The following TAB1 variants were observed in gnomAD, a reference collection of about 807,000 sequenced individuals.
The protein encoded by TAB1 is TGF-beta-activated kinase 1 and MAP3K7-binding protein 1.
Under a neutral mutation model 54.5 loss-of-function variants are expected in TAB1, and 30 were observed. That is an observed-to-expected ratio of 0.55 (90% CI 0.41 to 0.75). The LOEUF is 0.75. Among genes scored for constraint, TAB1 ranks in the 30% least tolerant of loss-of-function variants. TAB1 has a pLI of 0.00. For synonymous variants in TAB1, 289 were observed against 286.9 expected (o/e 1.01, Z -0.07); for missense variants, 609 against 683.2 (o/e 0.89, Z 1.21).
intron 10 of TAB1, 117 bp from the exon 11 acceptor site, chr22:39,429,898 C>T (rs899664819): frequency 2.2e-5 from 34 of 1,537,772 alleles, no homozygotes; most frequent in Admixed American, 1.9e-4. Context: ...GTCACCTCTG[C>T]CAGAAAGGCC....
rs1032683976 is a variant in TAB1, at chr22:39,430,117, C to T, written c.1410C>T (p.Leu470=). 5 of 1,614,080 alleles carry T rather than the reference C, an allele frequency of 3.1e-6. No individual in the cohort carries two copies. Among genetic ancestry groups the T allele is most frequent in the Non-Finnish European group, 3.4e-6 (4 of 1,180,042 alleles). ...GLFRSRPAHS[L]PPGEDGRVEP... is the part of the protein sequence containing the mutation. The stretch of plus-strand genomic sequence containing the variant: ...TCCGCTCCCGGCCCGCCCACTCGCT[C>T]CCGCCTGGCGAGGACGGTCGTGTTG... Residue 470 remains leucine (L), a synonymous_variant, in exon 11 of 11, where the codon CTC becomes CTT. Transcript: ENST00000216160.
intron 10 of TAB1, among the ~76,000 whole-genome samples, chr22:39,428,883 T>G (rs545003529): frequency 7.9e-4 from 121 of 152,354 alleles, no homozygotes; most frequent in African/African-American, 2.9e-3. Context: ...TCAGGGGGCC[T>G]TCCTTTCCCT....
downstream of TAB1, chr22:39,436,491 G>T: frequency 6.2e-7 from 1 of 1,613,152 alleles, no homozygotes; most frequent in Non-Finnish European, 8.5e-7. Flanking sequence ...GATTTTCAGA[G>T]ACCCTTCCAG....
chr22:39,412,997 C>G (rs998211600), intron 1 of TAB1, among the ~76,000 whole-genome samples: 1 of 148,600 alleles, frequency 6.7e-6, no homozygotes, highest in African/African-American at 2.5e-5. Flanking sequence ...TCACTGCAAG[C>G]TCCGCCTCCC....
Position 39,430,525 on chromosome 22 carries a change from C to A in TAB1, c.*303C>A. Reference sequence around the variant, plus strand: ...AACCGCAGTGGGCCTGCAAGCCGCCCGAGCCTCCCCAGCAGCCTCCTACAG... The same window carrying A: ...AACCGCAGTGGGCCTGCAAGCCGCCAGAGCCTCCCCAGCAGCCTCCTACAG... On this transcript the variant is annotated 3_prime_UTR_variant, in exon 11 of 11. Coordinates refer to ENST00000216160, the MANE Select transcript of TAB1 (RefSeq NM_006116.3). The A allele has an allele frequency of 7.9e-7, 1 of 1,273,836 alleles. No homozygotes were observed. Among genetic ancestry groups the A allele is most frequent in the Non-Finnish European group, 1.0e-6 (1 of 997,972 alleles). 78.9% of individuals were successfully genotyped at this position (1,273,836 alleles called of 1,614,324 possible).
At chr22:39,409,377 G>A (rs2145660099) in intron 1 of TAB1, among the ~76,000 whole-genome samples, 1 of 152,280 alleles carries the variant, frequency 6.6e-6, no homozygotes, top group African/African-American at 2.4e-5. Flanking sequence ...GGGATAATTG[G>A]CAACATTTAT....
intron 4 of TAB1, 126 bp from the exon 5 acceptor site, chr22:39,417,585 C>A: frequency 3.2e-6 from 3 of 937,524 alleles, no homozygotes; most frequent in Non-Finnish European, 4.6e-6. Context: ...CATGCCACTG[C>A]ACTGTAGCCT....
chr22:39,432,192 G>A (rs531655288), downstream of TAB1, among the ~76,000 whole-genome samples: 1 of 152,338 alleles, frequency 6.6e-6, no homozygotes, highest in Admixed American at 6.5e-5. Flanking sequence ...GGGTTGTGGT[G>A]CCAACTCCAC....
intron 8 of TAB1, among the ~76,000 whole-genome samples, chr22:39,424,434 A>AT (rs1927229419): frequency 8.7e-6 from 1 of 114,476 alleles, no homozygotes; most frequent in African/African-American, 3.3e-5. Context: ...CTGTGTTCTG[A>AT]TTTCTTTTTT....
chr22:39,434,253 C>T (rs1024389640), downstream of TAB1, among the ~76,000 whole-genome samples: 6 of 152,378 alleles, frequency 3.9e-5, no homozygotes, highest in Admixed American at 1.3e-4. Context: ...TCCACCCATC[C>T]ACCACACGCC....
intron 7 of TAB1, among the ~76,000 whole-genome samples, chr22:39,420,019 G>A (rs1357203577): frequency 3.3e-5 from 5 of 152,220 alleles, no homozygotes; most frequent in African/African-American, 4.8e-5. Context: ...GGAGGCAGGC[G>A]AAGCCAGAGT....
intron 1 of TAB1, among the ~76,000 whole-genome samples, chr22:39,411,728 T>C (rs1926613154): frequency 6.6e-6 from 1 of 152,224 alleles, no homozygotes; most frequent in Non-Finnish European, 1.5e-5. Context: ...CTCCTAGGTA[T>C]TTACCCTGGA....
At position 39,399,814 on chromosome 22, in the gene TAB1, G is replaced by C. The variant is rs1926043097; in HGVS notation, c.12G>C (p.Gln4His). MAA[Q>H]RRSLLQSEQQ... ...GGGGTTCCTCCAAGATGGCGGCGCA[G>C]AGGAGGAGCTTGCTGCAGAGTGTGA... The change falls in exon 1 of 11, where the codon CAG becomes CAC. Residue 4 changes from glutamine (Q) to histidine (H), a missense_variant. Transcript: ENST00000216160. The C allele has an allele frequency of 6.3e-7, 1 of 1,597,448 alleles. No homozygotes were observed. Among genetic ancestry groups the C allele is most frequent in the South Asian group, 1.1e-5 (1 of 88,256 alleles).
In TAB1 at chr22:39,430,758, C is replaced by T; in HGVS notation, c.*536C>T. The T allele has an allele frequency of 9.9e-7, 1 of 1,009,752 alleles. No homozygotes were observed. Among genetic ancestry groups the T allele is most frequent in the South Asian group, 4.2e-5 (1 of 23,936 alleles). The allele number at this position is 1,009,752 out of a possible 1,614,324, so 62.5% of individuals were successfully genotyped here. The stretch of plus-strand genomic sequence containing the variant: ...CCCTGGGCCCCACCCCTGGACCTGC[C>T]TTGGTTGTGTCATCTGTTGTAAACG... On this transcript the variant is annotated 3_prime_UTR_variant, in exon 11 of 11. Transcript: ENST00000216160.
chr22:39,419,491 A>T, intron 6 of TAB1, 28 bp from the exon 7 acceptor site: 1 of 1,538,978 alleles, frequency 6.5e-7, no homozygotes, highest in Non-Finnish European at 8.9e-7. Flanking sequence ...AACAAGAAGC[A>T]GGATTGTTGC....
chr22:39,414,864 CATT>C (rs1394902949), intron 1 of TAB1, 139 bp from the exon 2 acceptor site: 1 of 868,134 alleles, frequency 1.2e-6, no homozygotes, highest in African/African-American at 1.7e-5. Flanking sequence ...TTCATACAAA[CATT>C]ATTGTTTTCC....
At position 39,418,857 on chromosome 22, in the gene TAB1, G is replaced by C. The variant is rs761897428; in HGVS notation, c.664+12G>C. 11 of 1,604,188 alleles carry C rather than the reference G, an allele frequency of 6.9e-6. No homozygotes were observed. The highest frequency in any genetic ancestry group is 1.1e-5 in the South Asian group (1 of 90,846). ...TCTTTCGCAGCTGGGTGAGTGGGGA[G>C]AGTGGGAGCGGAAGCTGATCCCCAT... On this transcript the variant is annotated intron_variant, in intron 6 of 10. Transcript: ENST00000216160.
chr22:39,401,034 C>CAAAAAA (rs566248298), intron 1 of TAB1, among the ~76,000 whole-genome samples: 1 of 45,680 alleles, frequency 2.2e-5, no homozygotes, highest in Non-Finnish European at 5.1e-5. Context: ...GACTGTGTCT[C>CAAAAAA]AAAAAAAAAA....
At chr22:39,421,703 T>C in intron 7 of TAB1, 124 bp from the exon 8 acceptor site, 1 of 1,042,250 alleles carries the variant, frequency 9.6e-7, no homozygotes, top group Non-Finnish European at 1.4e-6. Flanking sequence ...TCTCTTTTCT[T>C]TTCCTCTTGT....
Sources: allele counts gnomAD v4.1 joint callset (sites outside exome capture counted in the v4.1 genomes callset), GRCh38; gene constraint gnomAD v4.1.1; transcripts MANE v1.5; gene names NCBI Gene and HGNC (gene_info 2026-07-23, HGNC 2026-07-21).